The following ADGRV1 variants were observed in gnomAD, a reference collection of about 807,000 sequenced individuals.
ADGRV1 encodes adhesion G protein-coupled receptor V1.
A neutral mutation model predicts 596.2 loss-of-function variants in ADGRV1; 359 were observed. The ratio of observed to expected loss-of-function variants is 0.60; its 90% confidence interval spans 0.55 to 0.66. The LOEUF (loss-of-function observed/expected upper bound fraction) is 0.66. ADGRV1 is among the 30% of genes least tolerant of loss of function. The probability of loss-of-function intolerance (pLI) is 0.00; values close to 1 mark genes in which losing one functional copy is unlikely to be tolerated. For synonymous variants in ADGRV1, 2,681 were observed against 2,679.2 expected (o/e 1.00, Z -0.02); for missense variants, 7,274 against 7,575.6 (o/e 0.96, Z 1.48).
chr5:90,861,935 C>T (rs988110404), intron 82 of ADGRV1, among the ~76,000 whole-genome samples: 2 of 152,080 alleles, frequency 1.3e-5, no homozygotes, highest in East Asian at 1.9e-4. Context: ...TTCTCCCCTA[C>T]GTAAAAAACG....
At chr5:90,981,051 G>A (rs868442548) in intron 84 of ADGRV1, among the ~76,000 whole-genome samples, 1 of 152,246 alleles carries the variant, frequency 6.6e-6, no homozygotes. Context: ...TAGGACACAC[G>A]CCCATGATAC....
intron 10 of ADGRV1, among the ~76,000 whole-genome samples, chr5:90,635,882 AT>A (rs1766130184): frequency 6.7e-6 from 1 of 149,778 alleles, no homozygotes. Flanking sequence ...GGCATGAGGC[AT>A]TGTGCCTGGC....
chr5:90,618,472 A>G (rs1355246713), intron 3 of ADGRV1, among the ~76,000 whole-genome samples: 1 of 152,212 alleles, frequency 6.6e-6, no homozygotes, highest in African/African-American at 2.4e-5. Context: ...TCTAAAGAAC[A>G]TTAAGAATTT....
chr5:90,873,804 G>GA, intron 83 of ADGRV1, among the ~76,000 whole-genome samples: 1 of 83,334 alleles, frequency 1.2e-5, no homozygotes, highest in Non-Finnish European at 2.5e-5. Flanking sequence ...AAAAAAGAAA[G>GA]GAAAAAAAAA....
chr5:90,919,369 T>C (rs1773671817), intron 83 of ADGRV1, among the ~76,000 whole-genome samples: 1 of 152,220 alleles, frequency 6.6e-6, no homozygotes, highest in Non-Finnish European at 1.5e-5. Flanking sequence ...GATTGGAGAC[T>C]TCAAAATGAT....
At chr5:91,072,399 T>A in intron 85 of ADGRV1, 48 bp from the exon 86 acceptor site, 2 of 1,481,666 alleles carry the variant, frequency 1.3e-6, no homozygotes, top group Non-Finnish European at 1.9e-6. Flanking sequence ...CATTTAGAAA[T>A]ATTTGCGCTG....
At chr5:90,565,951 G>A (rs1305291806) in intron 1 of ADGRV1, among the ~76,000 whole-genome samples, 2 of 152,100 alleles carry the variant, frequency 1.3e-5, no homozygotes, top group Non-Finnish European at 2.9e-5. Flanking sequence ...TTGGTCATTT[G>A]TGTATCTCCT....
In ADGRV1 at chr5:90,802,860, C is replaced by CT. The variant is rs1581172101; in HGVS notation, c.14640dup (p.Glu4881Ter). 6.2e-7 allele frequency: 1 copy of CT among 1,607,762 alleles called. No homozygotes were observed. The highest frequency in any genetic ancestry group is 8.5e-7 in the Non-Finnish European group (1 of 1,177,008). The stretch of plus-strand genomic sequence containing the variant: ...GCAAAATCTGCTGTCCTTCCAGTCT[C>CT]TGAGAAAGCTGCCAATTCTCAGGTA... On this transcript the variant is annotated frameshift_variant, in exon 71 of 90. Coordinates refer to ENST00000405460, the MANE Select transcript of ADGRV1 (RefSeq NM_032119.4). LOFTEE classifies it high-confidence loss of function.
intron 85 of ADGRV1, among the ~76,000 whole-genome samples, chr5:91,014,136 C>CCACACGCACACACACACA (rs1782968641): frequency 2.8e-5 from 1 of 35,638 alleles, no homozygotes; most frequent in African/African-American, 8.9e-5. Flanking sequence ...TTCACAATTG[C>CCACACGCACACACACACA]CACACACACA....
At chr5:90,765,955 G>A (rs2150027915) in intron 59 of ADGRV1, among the ~76,000 whole-genome samples, 1 of 151,724 alleles carries the variant, frequency 6.6e-6, no homozygotes, top group South Asian at 2.1e-4. Context: ...TGTCACCCAG[G>A]CTGGAGTGCA....
chr5:90,799,923 TAACTC>T (rs777370637), intron 70 of ADGRV1, among the ~76,000 whole-genome samples: 17 of 151,998 alleles, frequency 1.1e-4, no homozygotes, highest in Non-Finnish European at 2.1e-4. Flanking sequence ...ATACAAAAAT[TAACTC>T]AAGATGGATT....
chr5:90,981,075 C>T (rs1780039515), intron 84 of ADGRV1, among the ~76,000 whole-genome samples: 1 of 152,060 alleles, frequency 6.6e-6, no homozygotes, highest in African/African-American at 2.4e-5. Flanking sequence ...CTCAGGAGGT[C>T]CTGATAACAT....
intron 85 of ADGRV1, among the ~76,000 whole-genome samples, chr5:91,018,428 G>A (rs936498232): frequency 6.6e-6 from 1 of 152,002 alleles, no homozygotes; most frequent in East Asian, 1.9e-4. Context: ...GGTTTTGGCA[G>A]AGCCTCTTCA....
chr5:90,689,862 T>G lies in ADGRV1; in HGVS notation c.6492T>G (p.Gly2164=). The G allele has an allele frequency of 6.2e-7, 1 of 1,609,470 alleles. No homozygotes were observed. Among genetic ancestry groups the G allele is most frequent in the African/African-American group, 1.3e-5 (1 of 74,954 alleles). The change falls in exon 30 of 90, where the codon GGT becomes GGG. Residue 2164 remains glycine, a splice_region_variant and synonymous_variant. Transcript: ENST00000405460. ...FKAVPITAIA[G]EDYSIASSDV... Reference sequence around the variant, plus strand: ...ACATTTTACTTTTGGTCTTTTCAGGTGAAGATTATAGTATAGCTTCATCAG... The same window carrying G: ...ACATTTTACTTTTGGTCTTTTCAGGGGAAGATTATAGTATAGCTTCATCAG...
intron 83 of ADGRV1, among the ~76,000 whole-genome samples, chr5:90,946,710 C>T (rs527434159): frequency 2.2e-4 from 34 of 152,060 alleles, no homozygotes; most frequent in African/African-American, 5.5e-4. Context: ...TGAGAACATG[C>T]GGTGTTTGGT....
Position 90,643,892 on chromosome 5 carries a change from G to GA in ADGRV1, c.2648dup (p.Asn883LysfsTer2). The stretch of plus-strand genomic sequence containing the variant: ...CCACCATTGTCAATATAACGATTCT[G>GA]AAAAATGATGATCCTCATGGCATTA... On this transcript the variant is annotated frameshift_variant, in exon 14 of 90. Transcript: ENST00000405460. LOFTEE classifies it high-confidence loss of function. 6.2e-7 allele frequency: 1 copy of GA among 1,611,830 alleles called. No individual in the cohort carries two copies. Among genetic ancestry groups the GA allele is most frequent in the South Asian group, 1.1e-5 (1 of 90,728 alleles).
Position 90,721,075 on chromosome 5 carries a change from T to C in ADGRV1, c.9748+16T>C. The stretch of plus-strand genomic sequence containing the variant: ...TTTGGCATGAGTATGTTTCATTTCT[T>C]ATGAGAACAAAATTCTGTAACGAAA... On this transcript the variant is annotated intron_variant, in intron 45 of 89. Transcript: ENST00000405460. 6.2e-7 allele frequency: 1 copy of C among 1,605,302 alleles called. No homozygotes were observed. The highest frequency in any genetic ancestry group is 1.1e-5 in the South Asian group (1 of 89,298).
At chr5:90,999,195 A>G (rs1461149346) in intron 85 of ADGRV1, among the ~76,000 whole-genome samples, 2 of 151,940 alleles carry the variant, frequency 1.3e-5, no homozygotes, top group Non-Finnish European at 2.9e-5. Flanking sequence ...CTCTATTAAC[A>G]CATCTTTCTC....
At chr5:91,156,447 G>A (rs1265526030) in intron 89 of ADGRV1, among the ~76,000 whole-genome samples, 1 of 152,210 alleles carries the variant, frequency 6.6e-6, no homozygotes, top group African/African-American at 2.4e-5. Context: ...AGTCAGGGCT[G>A]AAAAGAGGCT....
Sources: allele counts gnomAD v4.1 joint callset (sites outside exome capture counted in the v4.1 genomes callset), GRCh38; gene constraint gnomAD v4.1.1; transcripts MANE v1.5; gene names NCBI Gene and HGNC (gene_info 2026-07-23, HGNC 2026-07-21).